The following EPM2A variants were observed in gnomAD, a reference collection of about 807,000 sequenced individuals.
EPM2A encodes laforin.
EPM2A carries 21 observed loss-of-function variants against 26.5 expected under a neutral mutation model. That is an observed-to-expected ratio of 0.79 (90% confidence interval 0.56 to 1.14). The LOEUF (loss-of-function observed/expected upper bound fraction) is 1.14, where lower values mean the gene tolerates loss of function less well. Ranked by LOEUF, EPM2A falls within the 50% of genes most tolerant of loss-of-function variation. The pLI is 0.00. For synonymous variants in EPM2A, 217 were observed against 177.6 expected, an observed-to-expected ratio of 1.22 and a Z score of -1.76; for missense variants, 458 against 440.8, an observed-to-expected ratio of 1.04 and a Z score of -0.35.
intron 1 of EPM2A, among the ~76,000 whole-genome samples, chr6:145,701,744 T>C (rs1426689967): frequency 6.6e-6 from 1 of 152,236 alleles, no homozygotes; most frequent in Non-Finnish European, 1.5e-5. Flanking sequence ...CAAGTAATTT[T>C]GGAGGATAAA....
At chr6:145,606,286 C>T (rs1775257579) in intron 2 of EPM2A, among the ~76,000 whole-genome samples, 1 of 151,966 alleles carries the variant, frequency 6.6e-6, no homozygotes, top group Admixed American at 6.6e-5. Context: ...GTTTATTTTT[C>T]TAGACATCTT....
chr6:145,731,523 GA>G (rs1776484437), intron 1 of EPM2A, among the ~76,000 whole-genome samples: 1 of 152,124 alleles, frequency 6.6e-6, no homozygotes. Flanking sequence ...GAGAACACAG[GA>G]AAACAAAACC....
At chr6:145,668,164 T>TAA (rs149978232) in intron 2 of EPM2A, among the ~76,000 whole-genome samples, 39 of 146,114 alleles carry the variant, frequency 2.7e-4, no homozygotes, top group South Asian at 1.3e-3. Flanking sequence ...TAAAGTATAA[T>TAA]AAAAAAAAAA....
intron 2 of EPM2A, among the ~76,000 whole-genome samples, chr6:145,524,959 A>C (rs754196829): frequency 2.6e-5 from 4 of 152,180 alleles, no homozygotes; most frequent in Non-Finnish European, 5.9e-5. Flanking sequence ...GGTGAAAGTT[A>C]AGGGTCTAGT....
intron 2 of EPM2A, among the ~76,000 whole-genome samples, chr6:145,668,674 G>C (rs1779418380): frequency 1.3e-5 from 2 of 152,128 alleles, no homozygotes; most frequent in Non-Finnish European, 2.9e-5. Flanking sequence ...TATGATCTCA[G>C]AGCAGTACCT....
chr6:145,523,861 G>A (rs1780235633), intron 2 of EPM2A, among the ~76,000 whole-genome samples: 1 of 152,114 alleles, frequency 6.6e-6, no homozygotes, highest in Non-Finnish European at 1.5e-5. Context: ...TCAGGTTTGG[G>A]ATACGAATGA....
chr6:145,608,601 GA>G (rs36123126), intron 2 of EPM2A, among the ~76,000 whole-genome samples: 53,176 of 150,092 alleles, frequency 0.35, 9,923 homozygotes, highest in South Asian at 0.52. Flanking sequence ...TGGTACTAAA[GA>G]AAAAAAAAAT....
chr6:145,518,604 AAAAAAAAAAAAAAAAAAAAC>A (rs1180428282), intron 2 of EPM2A, among the ~76,000 whole-genome samples: 1 of 80,558 alleles, frequency 1.2e-5, no homozygotes, highest in African/African-American at 3.9e-5. Context: ...CCAAAAAAAA[AAAAAAAAAAAAAAAAAAAAC>A]AAAGAGGTTT....
chr6:145,450,526 T>C (rs1397964385), intron 4 of EPM2A, among the ~76,000 whole-genome samples: 1 of 152,160 alleles, frequency 6.6e-6, no homozygotes, highest in African/African-American at 2.4e-5. Flanking sequence ...ACAGCACTAT[T>C]ACCTTTCATC....
chr6:145,450,702 G>A (rs779702842), intron 4 of EPM2A, among the ~76,000 whole-genome samples: 3 of 152,058 alleles, frequency 2.0e-5, no homozygotes, highest in African/African-American at 2.4e-5. Flanking sequence ...TTTATTCTGC[G>A]TGAACTCTCA....
chr6:145,403,471 G>A (rs953749436), intron 4 of EPM2A, among the ~76,000 whole-genome samples: 1 of 136,192 alleles, frequency 7.3e-6, no homozygotes, highest in African/African-American at 2.8e-5. Flanking sequence ...CTATGTCCAT[G>A]AGTTCAATTG....
At chr6:145,703,644 C>T (rs151011809) in intron 1 of EPM2A, among the ~76,000 whole-genome samples, 67 of 152,308 alleles carry the variant, frequency 4.4e-4, no homozygotes, top group Non-Finnish European at 7.6e-4. Context: ...CAATCCATTA[C>T]GCTGCTGAAT....
chr6:145,385,019 AG>A lies in EPM2A; in HGVS notation c.556-923del, dbSNP rs559391629. On this transcript the variant is annotated intron_variant, in intron 4 of 4. Transcript: ENST00000638717. ...ACTGTCAATAATCTTCTAAATATCA[AG>A]GAAATGTAAATAGCATCGCATGAAT... Among the ~76,000 whole-genome samples the A allele has an allele frequency of 2.4e-3, 355 of 148,272 alleles. 34 individuals are homozygous for A. Among genetic ancestry groups the A allele is most frequent in the African/African-American group, 8.6e-3 (347 of 40,136 alleles).
chr6:145,413,802 C>T (rs923325490), intron 4 of EPM2A, among the ~76,000 whole-genome samples: 4 of 152,170 alleles, frequency 2.6e-5, no homozygotes, highest in Non-Finnish European at 5.9e-5. Flanking sequence ...GTAAAAACTC[C>T]TCGCAAGTAG....
intron 3 of EPM2A, chr6:145,628,441 C>T (rs1363846341): frequency 6.6e-6 from 1 of 152,326 alleles, no homozygotes; most frequent in Non-Finnish European, 1.5e-5. Context: ...TCCGCTCTCT[C>T]ATCCCGTGGG....
intron 2 of EPM2A, among the ~76,000 whole-genome samples, chr6:145,569,041 G>T (rs1780921295): frequency 6.6e-6 from 1 of 152,166 alleles, no homozygotes; most frequent in Non-Finnish European, 1.5e-5. Flanking sequence ...CAAATAATAT[G>T]TGAATTGTTG....
At chr6:145,697,827 A>G (rs560163042) in intron 1 of EPM2A, among the ~76,000 whole-genome samples, 65 of 152,144 alleles carry the variant, frequency 4.3e-4, no homozygotes, top group Non-Finnish European at 9.0e-4. Context: ...CAAGGTGCCC[A>G]GATTTTATAT....
At chr6:145,608,387 A>C (rs1206450474) in intron 2 of EPM2A, among the ~76,000 whole-genome samples, 1 of 152,222 alleles carries the variant, frequency 6.6e-6, no homozygotes, top group African/African-American at 2.4e-5. Context: ...ACAGTATCAG[A>C]ATTAAATGTT....
chr6:145,655,197 A>AC (rs961973448), intron 2 of EPM2A, among the ~76,000 whole-genome samples: 1 of 152,154 alleles, frequency 6.6e-6, no homozygotes, highest in African/African-American at 2.4e-5. Flanking sequence ...AAAAAAAAAA[A>AC]AAAACAGGAT....
Sources: gnomAD v4.1 joint callset for allele counts (sites outside exome capture counted in the v4.1 genomes callset) on GRCh38, gnomAD v4.1.1 for gene constraint, MANE v1.5 for transcripts, NCBI Gene and HGNC (gene_info 2026-07-23, HGNC 2026-07-21) for gene names.